Variants in SPSB4 observed in about 807,000 individuals in gnomAD.
SPSB4 encodes the protein SPRY domain-containing SOCS box protein 4.
SPSB4 carries 21 observed loss-of-function variants against 20.9 expected under a neutral mutation model. That is an observed-to-expected ratio of 1.01 (90% confidence interval 0.71 to 1.45). The LOEUF (loss-of-function observed/expected upper bound fraction) is 1.45. SPSB4 is among the 40% of genes most tolerant of loss of function. The probability of loss-of-function intolerance (pLI) is 0.00; values close to 1 mark genes in which losing one functional copy is unlikely to be tolerated. For synonymous variants in SPSB4, 207 were observed against 183.8 expected (o/e 1.13, Z -1.02); for missense variants, 399 against 399.2 (o/e 1.00, Z 0.00).
Position 141,147,486 on chromosome 3 carries a change from A to G in SPSB4, c.*217A>G. 3.0e-6 allele frequency: 2 copies of G among 677,580 alleles called. No homozygotes were observed. The highest frequency in any genetic ancestry group is 4.7e-6 in the Non-Finnish European group (2 of 425,906). The allele number at this position is 677,580 out of a possible 1,614,324, so 42.0% of individuals were successfully genotyped here. ...GCCCTCGAGGCAGCCCTCCCAAGTCAGACACCTCCTTCGGAGCCACAGAGA... is the reference window on the plus strand; with the variant it reads ...GCCCTCGAGGCAGCCCTCCCAAGTCGGACACCTCCTTCGGAGCCACAGAGA... On this transcript the variant is annotated 3_prime_UTR_variant, in exon 3 of 3. Transcript: ENST00000310546.
chr3:141,121,855 G>A (rs1938972656), intron 2 of SPSB4, among the ~76,000 whole-genome samples: 1 of 152,178 alleles, frequency 6.6e-6, no homozygotes, highest in Non-Finnish European at 1.5e-5. Flanking sequence ...CAATTGGTTA[G>A]AACACGCTCC....
rs541293285 is a variant in SPSB4, at chr3:141,073,095, C to T, written c.694+6297C>T. On this transcript the variant is annotated intron_variant, in intron 2 of 2. Transcript: ENST00000310546. ...AATCTTTGAGCATACATTTTGATCC[C>T]AATTGAAATTTCCTTTCTGCCCCCT... 1.7e-3 allele frequency among the ~76,000 whole-genome samples: 266 copies of T among 152,266 alleles called. 1 individual carries two copies. Among genetic ancestry groups the T allele is most frequent in the African/African-American group, 3.0e-3 (125 of 41,546 alleles).
Position 141,066,375 on chromosome 3 carries a change from G to C in SPSB4, c.271G>C (p.Val91Leu). ...AQSTDGIRGK[V>L]GHARGLHAWQ... is the part of the protein sequence containing the mutation. Reference sequence around the variant, plus strand: ...GAGCACCGACGGCATCCGCGGCAAGGTGGGCCACGCCCGCGGCCTGCACGC... The same window carrying C: ...GAGCACCGACGGCATCCGCGGCAAGCTGGGCCACGCCCGCGGCCTGCACGC... The change falls in exon 2 of 3, where the codon GTG becomes CTG. Residue 91 changes from valine (V) to leucine (L), a missense_variant. Physicochemically the swap from Val to Leu is conservative, Grantham distance 32. Transcript: ENST00000310546. The C allele has an allele frequency of 6.4e-7, 1 of 1,551,174 alleles. No individual in the cohort carries two copies. The highest frequency in any genetic ancestry group is 2.4e-5 in the East Asian group (1 of 41,092).
At chr3:141,082,770 C>A (rs898677740) in intron 2 of SPSB4, among the ~76,000 whole-genome samples, 1 of 152,218 alleles carries the variant, frequency 6.6e-6, no homozygotes, top group East Asian at 1.9e-4. Flanking sequence ...AGGGCCAGAA[C>A]TAGAATTTGG....
intron 2 of SPSB4, among the ~76,000 whole-genome samples, chr3:141,145,299 T>C (rs1455640394): frequency 6.6e-6 from 1 of 151,806 alleles, no homozygotes; most frequent in African/African-American, 2.4e-5. Context: ...GCAGATAGCC[T>C]TGGGATCTGG....
intron 2 of SPSB4, among the ~76,000 whole-genome samples, chr3:141,130,494 T>C (rs936759635): frequency 1.3e-5 from 2 of 152,214 alleles, no homozygotes; most frequent in African/African-American, 2.4e-5. Context: ...TCAGGTCTAT[T>C]TGAGTTCAGC....
chr3:141,085,335 A>C (rs1187027782), intron 2 of SPSB4, among the ~76,000 whole-genome samples: 3 of 152,200 alleles, frequency 2.0e-5, no homozygotes, highest in African/African-American at 7.2e-5. Flanking sequence ...ATGGAAGAGA[A>C]GTCTGGAAGC....
At chr3:141,062,264 T>C (rs984384323) in intron 1 of SPSB4, among the ~76,000 whole-genome samples, 10 of 152,100 alleles carry the variant, frequency 6.6e-5, no homozygotes, top group African/African-American at 2.4e-4. Flanking sequence ...CAAAGGAAGA[T>C]TTCATTATAT....
chr3:141,104,622 G>GCA (rs1938661266), intron 2 of SPSB4, among the ~76,000 whole-genome samples: 1 of 152,190 alleles, frequency 6.6e-6, no homozygotes, highest in Non-Finnish European at 1.5e-5. Context: ...ACAGGTGGCC[G>GCA]GTGTCAGGCA....
chr3:141,096,393 T>C (rs1288748915), intron 2 of SPSB4, among the ~76,000 whole-genome samples: 4 of 152,338 alleles, frequency 2.6e-5, no homozygotes, highest in South Asian at 4.2e-4. Flanking sequence ...TCTTAGCTAA[T>C]TGAACAGCCA....
chr3:141,119,902 G>C (rs113874355), intron 2 of SPSB4, among the ~76,000 whole-genome samples: 2,069 of 151,832 alleles, frequency 0.014, 41 homozygotes, highest in African/African-American at 0.048. Context: ...GTTTTTTTGT[G>C]TCTCTATCTC....
intron 2 of SPSB4, among the ~76,000 whole-genome samples, chr3:141,111,038 C>T (rs1938789622): frequency 3.3e-5 from 5 of 152,208 alleles, no homozygotes; most frequent in Admixed American, 3.3e-4. Context: ...AACTCTATCT[C>T]CAGTATTCAC....
chr3:141,138,170 T>A (rs1205519329), intron 2 of SPSB4, among the ~76,000 whole-genome samples: 2 of 152,154 alleles, frequency 1.3e-5, no homozygotes, highest in African/African-American at 4.8e-5. Flanking sequence ...TCTGTGGGAT[T>A]GGTGGTGATA....
intron 2 of SPSB4, among the ~76,000 whole-genome samples, chr3:141,076,319 C>T (rs941637173): frequency 6.6e-6 from 1 of 152,230 alleles, no homozygotes; most frequent in African/African-American, 2.4e-5. Flanking sequence ...TTCCCAGCTA[C>T]CAAGTGACTC....
chr3:141,083,371 G>A (rs1195135685), intron 2 of SPSB4, among the ~76,000 whole-genome samples: 1 of 152,128 alleles, frequency 6.6e-6, no homozygotes, highest in Non-Finnish European at 1.5e-5. Context: ...ACCCTCTGTA[G>A]AGCCCTGGAT....
chr3:141,085,286 A>T (rs1274588312), intron 2 of SPSB4, among the ~76,000 whole-genome samples: 1 of 152,202 alleles, frequency 6.6e-6, no homozygotes, highest in African/African-American at 2.4e-5. Context: ...GCAACCAAAA[A>T]TGCCTAATAC....
At chr3:141,146,116 C>G (rs1292014762) in intron 2 of SPSB4, among the ~76,000 whole-genome samples, 2 of 151,670 alleles carry the variant, frequency 1.3e-5, no homozygotes, top group African/African-American at 4.8e-5. Flanking sequence ...AGAGCTGCCT[C>G]TGGTGCTAGC....
At position 141,064,904 on chromosome 3, in the gene SPSB4, G is replaced by C. The variant is rs966280926; in HGVS notation, c.-153-1048G>C. ...ATCCTGTCTCAGGGAAGGCAGTCTG[G>C]GGTCAGTGCTGTTAATGGTATTTAC... On this transcript the variant is annotated intron_variant, in intron 1 of 2. Transcript: ENST00000310546. Among the ~76,000 whole-genome samples, 3 of 152,176 alleles carry C rather than the reference G, an allele frequency of 2.0e-5. No individual in the cohort carries two copies. The East Asian group carries it at 5.8e-4, about 29-fold the overall frequency.
At chr3:141,064,727 G>A (rs1247519347) in intron 1 of SPSB4, among the ~76,000 whole-genome samples, 1 of 152,184 alleles carries the variant, frequency 6.6e-6, no homozygotes, top group East Asian at 1.9e-4. Context: ...CAGCTCTCAG[G>A]CCAGGGAGGG....
Sources: allele counts gnomAD v4.1 joint callset (sites outside exome capture counted in the v4.1 genomes callset), GRCh38; gene constraint gnomAD v4.1.1; transcripts MANE v1.5; gene names NCBI Gene and HGNC (gene_info 2026-07-23, HGNC 2026-07-21).